Variants in CSPP1 observed in about 807,000 individuals in gnomAD.
CSPP1 encodes centrosome and spindle pole associated protein 1.
Under a neutral mutation model 164.4 loss-of-function variants are expected in CSPP1, and 126 were observed. The observed-to-expected ratio is 0.77, with a 90% CI of 0.66 to 0.89. CSPP1 has a LOEUF of 0.89. CSPP1 is among the 40% of genes least tolerant of loss of function. The pLI, the probability that CSPP1 is intolerant of heterozygous loss-of-function variation, is 0.00. For missense variants in CSPP1, 1,395 were observed against 1,449.8 expected, an observed-to-expected ratio of 0.96 and a Z score of 0.61; for synonymous variants, 472 against 476.7, an observed-to-expected ratio of 0.99 and a Z score of 0.13.
chr8:67,195,040 C>CAGTT (rs1389488726), intron 30 of CSPP1, among the ~76,000 whole-genome samples: 2 of 152,136 alleles, frequency 1.3e-5, no homozygotes, highest in Non-Finnish European at 2.9e-5. Context: ...CCTGAGGTAA[C>CAGTT]AGTTACAAAA....
chr8:67,142,234 T>C (rs1823654446), intron 17 of CSPP1, among the ~76,000 whole-genome samples: 1 of 152,106 alleles, frequency 6.6e-6, no homozygotes, highest in Non-Finnish European at 1.5e-5. Flanking sequence ...AAACTGTCCA[T>C]GTCAAATGTT....
chr8:67,093,921 A>G (rs1040490920), intron 6 of CSPP1, among the ~76,000 whole-genome samples: 4 of 151,972 alleles, frequency 2.6e-5, no homozygotes, highest in Non-Finnish European at 5.9e-5. Flanking sequence ...ATGAGTTTTT[A>G]TGATGACAAT....
intron 6 of CSPP1, among the ~76,000 whole-genome samples, chr8:67,094,641 C>T (rs189904460): frequency 8.3e-4 from 126 of 152,124 alleles, no homozygotes; most frequent in Middle Eastern, 6.8e-3. Flanking sequence ...GTTGCCTAGG[C>T]TGGTCTTGAA....
At chr8:67,071,868 T>C (rs1025929839) in intron 1 of CSPP1, among the ~76,000 whole-genome samples, 1 of 152,056 alleles carries the variant, frequency 6.6e-6, no homozygotes, top group East Asian at 1.9e-4. Flanking sequence ...AGTTGAGCCT[T>C]GACACTTACA....
chr8:67,192,856 TTCTTA>T (rs1836768665), intron 29 of CSPP1, among the ~76,000 whole-genome samples: 1 of 152,230 alleles, frequency 6.6e-6, no homozygotes, highest in South Asian at 2.1e-4. Flanking sequence ...TACATGTCTT[TTCTTA>T]TGTCAGTACC....
At chr8:67,079,864 T>G (rs181028966) in intron 3 of CSPP1, among the ~76,000 whole-genome samples, 5 of 152,344 alleles carry the variant, frequency 3.3e-5, no homozygotes, top group Admixed American at 3.3e-4. Flanking sequence ...TGCGCAGCAC[T>G]TACTGCTTGG....
At chr8:67,106,838 G>A (rs1384422388) in intron 9 of CSPP1, among the ~76,000 whole-genome samples, 1 of 152,014 alleles carries the variant, frequency 6.6e-6, no homozygotes, top group Non-Finnish European at 1.5e-5. Context: ...TTAAATACTG[G>A]TTTAGAGACA....
intron 18 of CSPP1, among the ~76,000 whole-genome samples, chr8:67,151,697 TTC>T (rs1255723759): frequency 6.6e-6 from 1 of 152,176 alleles, no homozygotes; most frequent in African/African-American, 2.4e-5. Flanking sequence ...TGCCAAGATG[TTC>T]TGTTTTAAGA....
rs1025519086 is a variant in CSPP1 at position 67,085,992 on chromosome 8, T to C, written c.200-15T>C. ...TTTGAAAATGAATTATACTAAGAAG[T>C]TGTTTTTTTTCTAGGAATTGATTAT... is the stretch of plus-strand genomic sequence containing the variant. On this transcript the variant is annotated splice_polypyrimidine_tract_variant and intron_variant, in intron 3 of 30. Transcript: ENST00000678616. The C allele has an allele frequency of 1.9e-6, 2 of 1,047,304 alleles. No individual in the cohort carries two copies. The highest frequency in any genetic ancestry group is 3.1e-5 in the African/African-American group (2 of 63,782). 64.9% of individuals were successfully genotyped at this position (1,047,304 alleles called of 1,614,324 possible). A position where few individuals can be genotyped will look rare whatever the true frequency, so the allele number is the denominator to read the frequency against.
At position 67,123,805 on chromosome 8, in the gene CSPP1, GT is replaced by G. The variant is rs549566541; in HGVS notation, c.1697+4988del. Among the ~76,000 whole-genome samples, 3 of 151,226 alleles carry G rather than the reference GT, an allele frequency of 2.0e-5. No individual in the cohort carries two copies. In the East Asian group the frequency reaches 5.8e-4, roughly 29 times the overall value. ...TATTTGTATTTTTTGTAGAGATAGG[GT>G]TTTGCCATGTTTCCCAGGCTGGTCT... is the stretch of plus-strand genomic sequence containing the variant. On this transcript the variant is annotated intron_variant, in intron 15 of 30. Coordinates refer to ENST00000678616, the MANE Select transcript of CSPP1 (RefSeq NM_001382391.1).
At chr8:67,181,755 AACCACCACT>A (rs1833104846) in intron 28 of CSPP1, among the ~76,000 whole-genome samples, 1 of 152,206 alleles carries the variant, frequency 6.6e-6, no homozygotes, top group Non-Finnish European at 1.5e-5. Context: ...TCTATTGTGC[AACCACCACT>A]ATCATCCATC....
chr8:67,182,355 G>C (rs1414673736), intron 28 of CSPP1, among the ~76,000 whole-genome samples: 1 of 151,192 alleles, frequency 6.6e-6, no homozygotes, highest in Non-Finnish European at 1.5e-5. Context: ...TCCATTGTAT[G>C]TGTGTACCAC....
chr8:67,103,244 T>G, intron 8 of CSPP1, 109 bp downstream of exon 8: 1 of 626,864 alleles, frequency 1.6e-6, no homozygotes, highest in Admixed American at 2.8e-5. Flanking sequence ...TTAACAGCCT[T>G]CCTTCTTAGT....
intron 1 of CSPP1, among the ~76,000 whole-genome samples, chr8:67,069,583 T>G (rs1380237036): frequency 3.3e-5 from 5 of 152,000 alleles, no homozygotes; most frequent in African/African-American, 1.2e-4. Flanking sequence ...TATGGAAACC[T>G]TAGTTCCATG....
In CSPP1 at chr8:67,177,700, A is replaced by G. The variant is rs1832024582; in HGVS notation, c.3130A>G (p.Ser1044Gly). 1 of 1,612,224 alleles carries G rather than the reference A, an allele frequency of 6.2e-7. No individual in the cohort carries two copies. Among genetic ancestry groups the G allele is most frequent in the Non-Finnish European group, 8.5e-7 (1 of 1,178,584 alleles). Residue 1044 changes from serine to glycine, a missense_variant, in exon 27 of 31, where the codon AGT (serine) becomes GGT (glycine). Coordinates refer to ENST00000678616, the MANE Select transcript of CSPP1 (RefSeq NM_001382391.1). ...GAKVDLDAIP[S>G]AKVREQRMPR... ...TACAGTTGACTTAGATGCCATCCCA[A>G]GTGCTAAAGTACGAGAGCAAAGAAT...
chr8:67,118,799 C>A lies in CSPP1; in HGVS notation c.1675C>A (p.His559Asn), dbSNP rs201417325. 182 of 1,609,352 alleles carry A rather than the reference C, an allele frequency of 1.1e-4. No homozygotes were observed. The highest frequency in any genetic ancestry group is 1.5e-4 in the Non-Finnish European group (172 of 1,175,958). Residue 559 changes from histidine (H) to asparagine (N), a missense_variant, in exon 15 of 31, where the codon CAC becomes AAC. His to Asn is a moderately conservative substitution (Grantham distance 68, BLOSUM62 1). Coordinates refer to ENST00000678616, the MANE Select transcript of CSPP1 (RefSeq NM_001382391.1). The part of the protein sequence containing the change: ...PAAYVSAPVT[H>N]QLAQPVVNTV... ...AGCTTATGTTAGTGCTCCTGTCACC[C>A]ACCAACTAGCACAACCTGTTGTGTA...
At position 67,064,474 on chromosome 8, in the gene CSPP1, C is replaced by T. The variant is rs918221746; in HGVS notation, c.-75C>T. The stretch of plus-strand genomic sequence containing the variant: ...TCCTCTAGAGCACTGTGTGTCTCCC[C>T]GGACGCGAGCCCGCTCCCCTGAGTA... On this transcript the variant is annotated 5_prime_UTR_variant, in exon 1 of 31. Coordinates refer to ENST00000678616, the MANE Select transcript of CSPP1 (RefSeq NM_001382391.1). The T allele has an allele frequency of 4.4e-5, 71 of 1,613,766 alleles. No individual in the cohort carries two copies. Among genetic ancestry groups the T allele is most frequent in the Non-Finnish European group, 5.8e-5 (68 of 1,179,908 alleles).
chr8:67,091,791 G>GCA lies in CSPP1; in HGVS notation c.304-12_304-11insCA. 2 of 1,115,140 alleles carry GCA rather than the reference G, an allele frequency of 1.8e-6. No individual in the cohort carries two copies. The highest frequency in any genetic ancestry group is 2.4e-6 in the Non-Finnish European group (2 of 820,488). The allele number at this position is 1,115,140 out of a possible 1,614,324, so 69.1% of individuals were successfully genotyped here. A position where few individuals can be genotyped will look rare whatever the true frequency, so the allele number is the denominator to read the frequency against. On this transcript the variant is annotated splice_polypyrimidine_tract_variant and intron_variant, in intron 4 of 30. Coordinates refer to ENST00000678616, the MANE Select transcript of CSPP1 (RefSeq NM_001382391.1). ...ATTAGGTAATATATTTTTTTAATGT[G>GCA]TATATATACAGAAAAATTTTCTATC...
chr8:67,176,214 G>A (rs1055323939), intron 26 of CSPP1, among the ~76,000 whole-genome samples: 1 of 152,096 alleles, frequency 6.6e-6, no homozygotes. Context: ...GGCCATCGAG[G>A]TTAACCATGG....
Sources: allele counts gnomAD v4.1 joint callset (sites outside exome capture counted in the v4.1 genomes callset), GRCh38; gene constraint gnomAD v4.1.1; transcripts MANE v1.5; gene names NCBI Gene and HGNC (gene_info 2026-07-23, HGNC 2026-07-21).